Variants in EPHA6 observed in about 807,000 individuals in gnomAD.
The protein encoded by EPHA6 is EPH receptor A6, also known as ephrin type-A receptor 6.
Under a neutral mutation model 112.0 loss-of-function variants are expected in EPHA6, and 50 were observed. The ratio of observed to expected loss-of-function variants is 0.45; its 90% CI spans 0.36 to 0.56. EPHA6 has a LOEUF of 0.56. Ranked by LOEUF, EPHA6 falls within the 20% of genes least tolerant of loss-of-function variation. The probability of loss-of-function intolerance (pLI) is 0.00; values close to 1 mark genes in which losing one functional copy is unlikely to be tolerated. For missense variants in EPHA6, 1,280 were observed against 1,417.4 expected, an observed-to-expected ratio of 0.90 and a Z score of 1.56; for synonymous variants, 529 against 490.7, an observed-to-expected ratio of 1.08 and a Z score of -1.03.
intron 3 of EPHA6, among the ~76,000 whole-genome samples, chr3:96,997,193 G>C (rs150652433): frequency 6.8e-4 from 103 of 152,170 alleles, no homozygotes; most frequent in African/African-American, 2.4e-3. Flanking sequence ...TGGCTTAAGG[G>C]AATGTTATGG....
intron 10 of EPHA6, among the ~76,000 whole-genome samples, chr3:97,509,074 T>C (rs1221304596): frequency 6.8e-6 from 1 of 147,236 alleles, no homozygotes; most frequent in African/African-American, 2.5e-5. Flanking sequence ...TGAGCCTGTG[T>C]GTGTCTTTGC....
chr3:97,668,282 A>G (rs1381352375), intron 14 of EPHA6, among the ~76,000 whole-genome samples: 1 of 152,212 alleles, frequency 6.6e-6, no homozygotes, highest in Non-Finnish European at 1.5e-5. Context: ...AATTTGTTCA[A>G]TAAAATCTAT....
chr3:97,334,790 A>T (rs1048050342), intron 5 of EPHA6, among the ~76,000 whole-genome samples: 5 of 151,956 alleles, frequency 3.3e-5, no homozygotes, highest in Non-Finnish European at 5.9e-5. Context: ...ATGTAATTCT[A>T]TTGACTTTTT....
At chr3:96,945,981 T>C (rs1455473196) in intron 2 of EPHA6, among the ~76,000 whole-genome samples, 1 of 152,146 alleles carries the variant, frequency 6.6e-6, no homozygotes, top group Non-Finnish European at 1.5e-5. Flanking sequence ...TTCTCCATGC[T>C]CTGCTTGTTC....
intron 14 of EPHA6, among the ~76,000 whole-genome samples, chr3:97,681,253 A>C (rs2031839069): frequency 6.6e-6 from 1 of 152,170 alleles, no homozygotes; most frequent in South Asian, 2.1e-4. Flanking sequence ...AAATGGAAAT[A>C]AGCACTTTCA....
chr3:97,381,781 T>A (rs1056966215), intron 5 of EPHA6, among the ~76,000 whole-genome samples: 22 of 152,114 alleles, frequency 1.4e-4, no homozygotes, highest in African/African-American at 5.3e-4. Flanking sequence ...CATGCCTAAT[T>A]AAATTAAAGA....
intron 2 of EPHA6, among the ~76,000 whole-genome samples, chr3:96,897,649 G>T (rs2038354415): frequency 6.6e-6 from 1 of 152,122 alleles, no homozygotes; most frequent in Non-Finnish European, 1.5e-5. Context: ...AGTATAAACA[G>T]AAAGTCGAAT....
chr3:97,683,382 T>A (rs1339886070), intron 14 of EPHA6, among the ~76,000 whole-genome samples: 1 of 152,158 alleles, frequency 6.6e-6, no homozygotes, highest in African/African-American at 2.4e-5. Flanking sequence ...TAGTAATAAC[T>A]GTTAATTGGG....
intron 1 of EPHA6, among the ~76,000 whole-genome samples, chr3:96,843,902 A>G (rs553245986): frequency 2.7e-4 from 41 of 152,034 alleles, no homozygotes; most frequent in Non-Finnish European, 5.3e-4. Context: ...AAAAAACCCA[A>G]TATTACTCAG....
chr3:97,354,458 A>G (rs1033217682), intron 5 of EPHA6, among the ~76,000 whole-genome samples: 2 of 152,126 alleles, frequency 1.3e-5, no homozygotes, highest in Non-Finnish European at 2.9e-5. Flanking sequence ...GCTGAAAAAT[A>G]CAATTGACAT....
At position 97,069,065 on chromosome 3, in the gene EPHA6, G is replaced by A. The variant is rs377051962; in HGVS notation, c.1114+81072G>A. On this transcript the variant is annotated intron_variant, in intron 3 of 17. Transcript: ENST00000389672. ...CCCTTGAACGACACTGGGGTTAGAGGTGCTGTTGCCTGCACAGTTGAAAAT... is the reference window on the plus strand; with the variant it reads ...CCCTTGAACGACACTGGGGTTAGAGATGCTGTTGCCTGCACAGTTGAAAAT... 4.1e-4 allele frequency among the ~76,000 whole-genome samples: 62 copies of A among 152,196 alleles called. 1 individual carries two copies. In the South Asian group the frequency reaches 0.012, roughly 31 times the overall value.
chr3:97,332,221 G>A (rs1183890368), intron 5 of EPHA6, among the ~76,000 whole-genome samples: 8 of 151,882 alleles, frequency 5.3e-5, no homozygotes, highest in Non-Finnish European at 7.4e-5. Context: ...TTCATGCTAA[G>A]AACTCTCAAT....
intron 13 of EPHA6, among the ~76,000 whole-genome samples, chr3:97,622,243 A>C (rs2107506129): frequency 6.6e-6 from 1 of 150,598 alleles, no homozygotes; most frequent in African/African-American, 2.4e-5. Context: ...AAATCATTAA[A>C]CTCCCCACTT....
intron 2 of EPHA6, among the ~76,000 whole-genome samples, chr3:96,885,703 T>TG (rs1439965387): frequency 6.6e-6 from 1 of 152,148 alleles, no homozygotes; most frequent in Non-Finnish European, 1.5e-5. Flanking sequence ...CTTTTGTAAT[T>TG]TTTTTAATTT....
chr3:97,227,831 T>C (rs984407229), intron 4 of EPHA6, among the ~76,000 whole-genome samples: 26 of 152,322 alleles, frequency 1.7e-4, no homozygotes, highest in African/African-American at 6.0e-4. Context: ...GCAGAGGACG[T>C]AGAAACCCTC....
chr3:97,637,923 C>G lies in EPHA6; in HGVS notation c.2625C>G (p.Gly875=). 1 of 1,613,914 alleles carries G rather than the reference C, an allele frequency of 6.2e-7. No individual in the cohort carries two copies. Among genetic ancestry groups the G allele is most frequent in the Non-Finnish European group, 8.5e-7 (1 of 1,179,842 alleles). Reference sequence around the variant, plus strand: ...TCCAGTTGGTCGGAATGCTCCGAGGCATTGCATCAGGCATGAAGTATCTTT... The same window carrying G: ...TCCAGTTGGTCGGAATGCTCCGAGGGATTGCATCAGGCATGAAGTATCTTT... ...TVIQLVGMLR[G]IASGMKYLSD... Residue 875 remains glycine, a synonymous_variant, in exon 14 of 18, where the codon GGC becomes GGG. Coordinates refer to ENST00000389672, the MANE Select transcript of EPHA6 (RefSeq NM_001080448.3).
chr3:96,969,630 A>G lies in EPHA6; in HGVS notation c.451-17700A>G, dbSNP rs2042245094. Reference sequence around the variant, plus strand: ...ATCTTAACTTAAATGGTTCTCTGCAAATTTTATTTCCATGTTGCATATCTT... The same window carrying G: ...ATCTTAACTTAAATGGTTCTCTGCAGATTTTATTTCCATGTTGCATATCTT... On this transcript the variant is annotated intron_variant, in intron 2 of 17. Transcript: ENST00000389672. 2.0e-5 allele frequency among the ~76,000 whole-genome samples: 3 copies of G among 152,030 alleles called. No individual in the cohort carries two copies. The South Asian group carries it at 6.2e-4, about 31-fold the overall frequency.
intron 1 of EPHA6, among the ~76,000 whole-genome samples, chr3:96,859,162 C>A (rs1428599499): frequency 2.0e-5 from 3 of 152,008 alleles, no homozygotes; most frequent in Non-Finnish European, 4.4e-5. Context: ...CACAAACACC[C>A]CCCCAACACA....
intron 2 of EPHA6, among the ~76,000 whole-genome samples, chr3:96,981,573 A>C (rs1332018516): frequency 6.6e-6 from 1 of 152,036 alleles, no homozygotes; most frequent in Non-Finnish European, 1.5e-5. Flanking sequence ...CTCATAAAAT[A>C]AGTGAGGGAG....
Sources: gnomAD v4.1 joint callset for allele counts (sites outside exome capture counted in the v4.1 genomes callset) on GRCh38, gnomAD v4.1.1 for gene constraint, MANE v1.5 for transcripts, NCBI Gene and HGNC (gene_info 2026-07-23, HGNC 2026-07-21) for gene names.